Variants in HS3ST4 observed in about 807,000 individuals in gnomAD.
HS3ST4 encodes the protein heparan sulfate glucosamine 3-O-sulfotransferase 4.
A neutral mutation model predicts 29.2 loss-of-function variants in HS3ST4; 17 were observed. The ratio of observed to expected loss-of-function variants is 0.58; its 90% CI spans 0.40 to 0.87. The LOEUF is 0.87. Among genes scored for constraint, HS3ST4 ranks in the 40% least tolerant of loss-of-function variants. The pLI, the probability that HS3ST4 is intolerant of heterozygous loss-of-function variation, is 0.00. For missense variants in HS3ST4, 627 were observed against 634.5 expected (o/e 0.99, Z 0.13); for synonymous variants, 314 against 285.7 (o/e 1.10, Z -1.00).
intron 1 of HS3ST4, among the ~76,000 whole-genome samples, chr16:25,927,313 G>A (rs1036347234): frequency 6.6e-6 from 1 of 152,178 alleles, no homozygotes; most frequent in Admixed American, 6.5e-5. Context: ...TCAGCCTTTT[G>A]GGAATGTTGG....
At chr16:25,961,690 T>C (rs1009936905) in intron 1 of HS3ST4, among the ~76,000 whole-genome samples, 2 of 152,190 alleles carry the variant, frequency 1.3e-5, no homozygotes, top group African/African-American at 4.8e-5. Flanking sequence ...CATTATTTTA[T>C]TCAAATATCA....
At chr16:25,748,151 T>C (rs1190169037) in intron 1 of HS3ST4, among the ~76,000 whole-genome samples, 1 of 152,238 alleles carries the variant, frequency 6.6e-6, no homozygotes, top group Middle Eastern at 3.4e-3. Flanking sequence ...GGGAGATGCA[T>C]TGAGCTCTCC....
chr16:26,045,232 TG>T (rs1415658520), intron 1 of HS3ST4, among the ~76,000 whole-genome samples: 1 of 152,114 alleles, frequency 6.6e-6, no homozygotes, highest in African/African-American at 2.4e-5. Flanking sequence ...GGTAGCATCA[TG>T]GTGAAAAGTA....
At chr16:25,903,539 G>A (rs1228888601) in intron 1 of HS3ST4, among the ~76,000 whole-genome samples, 3 of 151,892 alleles carry the variant, frequency 2.0e-5, no homozygotes, top group Non-Finnish European at 4.4e-5. Context: ...CATTCTCAGG[G>A]CATCCCTTGT....
chr16:25,770,546 C>T (rs573461625), intron 1 of HS3ST4, among the ~76,000 whole-genome samples: 45 of 152,332 alleles, frequency 3.0e-4, no homozygotes, highest in African/African-American at 9.6e-4. Context: ...AAGCCTAACA[C>T]GCTCTACAAT....
intron 1 of HS3ST4, among the ~76,000 whole-genome samples, chr16:25,853,867 G>A (rs1967546349): frequency 6.6e-6 from 1 of 152,098 alleles, no homozygotes; most frequent in Non-Finnish European, 1.5e-5. Flanking sequence ...TGCTAGTCTT[G>A]TAAAAATGAG....
At chr16:25,838,744 A>G (rs903247302) in intron 1 of HS3ST4, among the ~76,000 whole-genome samples, 1 of 152,180 alleles carries the variant, frequency 6.6e-6, no homozygotes, top group African/African-American at 2.4e-5. Context: ...CAGCCCACTG[A>G]GATGGCTCTT....
chr16:25,876,498 G>A (rs34756541), intron 1 of HS3ST4, among the ~76,000 whole-genome samples: 34,633 of 152,008 alleles, frequency 0.23, 4,277 homozygotes, highest in Non-Finnish European at 0.29. Flanking sequence ...GCAGCTGCAA[G>A]CCTCACATTC....
At chr16:25,862,890 C>T (rs1967653163) in intron 1 of HS3ST4, among the ~76,000 whole-genome samples, 1 of 152,216 alleles carries the variant, frequency 6.6e-6, no homozygotes, top group Admixed American at 6.5e-5. Flanking sequence ...GTTTTAGCCC[C>T]ACCCACTGTG....
intron 1 of HS3ST4, among the ~76,000 whole-genome samples, chr16:25,831,444 A>AC (rs1967298858): frequency 5.5e-5 from 5 of 90,750 alleles, no homozygotes; most frequent in Admixed American, 1.1e-4. Flanking sequence ...CACACACACA[A>AC]ACCTGACGTG....
At chr16:25,864,531 C>T (rs1305726738) in intron 1 of HS3ST4, among the ~76,000 whole-genome samples, 3 of 152,114 alleles carry the variant, frequency 2.0e-5, no homozygotes, top group Non-Finnish European at 2.9e-5. Flanking sequence ...CCCCTTTAAC[C>T]AACTGTCTCC....
At chr16:25,951,918 A>G (rs1379509834) in intron 1 of HS3ST4, among the ~76,000 whole-genome samples, 4 of 152,116 alleles carry the variant, frequency 2.6e-5, no homozygotes, top group Admixed American at 1.3e-4. Context: ...ACCATGGCAC[A>G]TATTTACCTA....
chr16:25,841,091 G>A (rs1206606924), intron 1 of HS3ST4, among the ~76,000 whole-genome samples: 4 of 149,466 alleles, frequency 2.7e-5, no homozygotes, highest in Admixed American at 6.7e-5. Flanking sequence ...TGCAGGCTCC[G>A]CCCCCCGGGG....
intron 1 of HS3ST4, among the ~76,000 whole-genome samples, chr16:25,789,467 C>CT (rs1567240243): frequency 8.7e-3 from 255 of 29,342 alleles, no homozygotes; most frequent in Non-Finnish European, 0.011. Flanking sequence ...TCCTTCCTTC[C>CT]TTCTTTCTTT....
intron 1 of HS3ST4, among the ~76,000 whole-genome samples, chr16:26,019,307 A>T (rs1260942682): frequency 1.3e-5 from 2 of 152,146 alleles, no homozygotes; most frequent in Admixed American, 6.5e-5. Flanking sequence ...CGTCCCAATC[A>T]TTCTGGTCTC....
intron 1 of HS3ST4, among the ~76,000 whole-genome samples, chr16:25,747,705 G>A (rs146012460): frequency 6.6e-6 from 1 of 152,258 alleles, no homozygotes; most frequent in Non-Finnish European, 1.5e-5. Flanking sequence ...GTTTTCTAGC[G>A]ATCACTAGCA....
intron 1 of HS3ST4, among the ~76,000 whole-genome samples, chr16:26,086,879 G>A (rs1379866769): frequency 2.6e-5 from 4 of 152,048 alleles, no homozygotes; most frequent in Admixed American, 2.6e-4. Flanking sequence ...TGATTTTGTT[G>A]CATCTGCTCT....
rs376362977 is a variant in HS3ST4 at position 25,783,766 on chromosome 16, A to G, written c.734+90615A>G. Among the ~76,000 whole-genome samples the G allele has an allele frequency of 8.5e-5, 13 of 152,318 alleles. 1 individual carries two copies. In the South Asian group the frequency reaches 2.7e-3, roughly 32 times the overall value. ...GCACAGTCACGATGCAACCATCACC[A>G]CTATGCTTTTCCAGAACTCTTGGAG... On this transcript the variant is annotated intron_variant, in intron 1 of 1. Coordinates refer to ENST00000331351, the MANE Select transcript of HS3ST4 (RefSeq NM_006040.3).
chr16:25,986,008 A>G (rs1969058904), intron 1 of HS3ST4, among the ~76,000 whole-genome samples: 1 of 152,240 alleles, frequency 6.6e-6, no homozygotes, highest in East Asian at 1.9e-4. Context: ...TAAAGCCTAC[A>G]TTAATTAAAG....
Sources: gnomAD v4.1 joint callset for allele counts (sites outside exome capture counted in the v4.1 genomes callset) on GRCh38, gnomAD v4.1.1 for gene constraint, MANE v1.5 for transcripts, NCBI Gene and HGNC (gene_info 2026-07-23, HGNC 2026-07-21) for gene names.